The following GPC6 variants were observed in gnomAD, a reference collection of about 807,000 sequenced individuals.
The protein encoded by GPC6 is glypican 6.
Under a neutral mutation model 55.2 loss-of-function variants are expected in GPC6, and 14 were observed. The ratio of observed to expected loss-of-function variants is 0.25; its 90% confidence interval spans 0.17 to 0.40. The LOEUF (loss-of-function observed/expected upper bound fraction) is 0.40, where lower values mean the gene tolerates loss of function less well. Ranked by LOEUF, GPC6 falls within the 10% of genes least tolerant of loss-of-function variation. The pLI is 1.00. For missense variants in GPC6, 641 were observed against 708.5 expected (o/e 0.90, Z 1.08); for synonymous variants, 278 against 259.6 (o/e 1.07, Z -0.68).
intron 1 of GPC6, among the ~76,000 whole-genome samples, chr13:93,334,774 T>A (rs756137128): frequency 1.3e-5 from 2 of 152,212 alleles, no homozygotes; most frequent in African/African-American, 2.4e-5. Flanking sequence ...GCCTATTGAT[T>A]CTTCTTCACT....
intron 6 of GPC6, among the ~76,000 whole-genome samples, chr13:94,356,959 G>A (rs1429184529): frequency 6.6e-6 from 1 of 152,078 alleles, no homozygotes; most frequent in Non-Finnish European, 1.5e-5. Flanking sequence ...GTGTCATGGA[G>A]TTGCCAGTTA....
intron 5 of GPC6, among the ~76,000 whole-genome samples, chr13:94,305,447 A>C (rs1875891225): frequency 6.6e-6 from 1 of 152,232 alleles, no homozygotes; most frequent in Non-Finnish European, 1.5e-5. Context: ...TGGTTAGGAA[A>C]GCTTGACAGT....
At chr13:94,263,710 G>A (rs1393495164) in intron 4 of GPC6, among the ~76,000 whole-genome samples, 1 of 152,192 alleles carries the variant, frequency 6.6e-6, no homozygotes, top group Non-Finnish European at 1.5e-5. Context: ...AGCCAGAAAA[G>A]AAAATCTACT....
intron 1 of GPC6, among the ~76,000 whole-genome samples, chr13:93,413,466 A>G (rs1456486508): frequency 6.6e-6 from 1 of 152,080 alleles, no homozygotes; most frequent in Non-Finnish European, 1.5e-5. Flanking sequence ...GATCTACTGG[A>G]TATATAAACT....
intron 2 of GPC6, among the ~76,000 whole-genome samples, chr13:93,788,372 A>G (rs999576808): frequency 2.7e-4 from 41 of 152,044 alleles, no homozygotes; most frequent in African/African-American, 9.9e-4. Context: ...TGGCCTAATC[A>G]CCTCTTAAAT....
intron 5 of GPC6, among the ~76,000 whole-genome samples, chr13:94,288,293 C>T (rs1180042295): frequency 6.6e-6 from 1 of 152,026 alleles, no homozygotes; most frequent in African/African-American, 2.4e-5. Flanking sequence ...CAAGGAACCT[C>T]AGTTTCTCTA....
At chr13:94,292,171 A>G (rs148299465) in intron 5 of GPC6, among the ~76,000 whole-genome samples, 10 of 152,326 alleles carry the variant, frequency 6.6e-5, no homozygotes, top group African/African-American at 2.4e-4. Context: ...TTTCCAAGAT[A>G]GAGAAGTTAG....
intron 6 of GPC6, among the ~76,000 whole-genome samples, chr13:94,345,660 C>T (rs1224963419): frequency 1.3e-5 from 2 of 152,152 alleles, no homozygotes; most frequent in Non-Finnish European, 2.9e-5. Context: ...TCAAGAGGTA[C>T]AGTGTAGGAA....
chr13:93,353,999 C>T (rs2139167681), intron 1 of GPC6, among the ~76,000 whole-genome samples: 1 of 152,158 alleles, frequency 6.6e-6, no homozygotes, highest in South Asian at 2.1e-4. Flanking sequence ...TGATGTTTTC[C>T]AAGGAACTGA....
chr13:93,678,628 C>A (rs959337986), intron 2 of GPC6, among the ~76,000 whole-genome samples: 2 of 152,152 alleles, frequency 1.3e-5, no homozygotes, highest in African/African-American at 2.4e-5. Flanking sequence ...GCTCTTTTCT[C>A]TTACAGACCT....
chr13:94,109,660 A>G (rs1886172025), intron 4 of GPC6, among the ~76,000 whole-genome samples: 1 of 152,158 alleles, frequency 6.6e-6, no homozygotes. Flanking sequence ...GAATGTAGTC[A>G]GTATGGTACC....
At chr13:94,346,241 T>G (rs1878282934) in intron 6 of GPC6, among the ~76,000 whole-genome samples, 3 of 152,240 alleles carry the variant, frequency 2.0e-5, no homozygotes, top group Admixed American at 6.5e-5. Flanking sequence ...GGTAATGTTT[T>G]AGGAAACATA....
At position 93,545,293 on chromosome 13, in the gene GPC6, A is replaced by G. The variant is rs1252126964; in HGVS notation, c.191A>G (p.Tyr64Cys). The part of the protein sequence containing the change: ...GEHLRICPQE[Y>C]TCCTTEMEDK... ...CACTTAAGAATCTGTCCTCAGGAAT[A>G]TACATGCTGCACCACAGAAATGGAA... Residue 64 changes from tyrosine (Y) to cysteine (C), a missense_variant, in exon 2 of 9, where the codon TAT becomes TGT. Transcript: ENST00000377047. 1 of 1,613,538 alleles carries G rather than the reference A, an allele frequency of 6.2e-7. No individual in the cohort carries two copies. Among genetic ancestry groups the G allele is most frequent in the African/African-American group, 1.3e-5 (1 of 74,912 alleles).
chr13:93,280,003 A>G (rs921806467), intron 1 of GPC6, among the ~76,000 whole-genome samples: 1 of 152,216 alleles, frequency 6.6e-6, no homozygotes, highest in Non-Finnish European at 1.5e-5. Flanking sequence ...GAAAGAATTG[A>G]GAGGTATAAG....
Position 94,403,321 on chromosome 13 carries a change from C to A in GPC6, c.*104C>A. Reference sequence around the variant, plus strand: ...AATGGACCATGCCACAAAAACTTACCGTTTTCTATGAGAAGAGAGCAGTAA... The same window carrying A: ...AATGGACCATGCCACAAAAACTTACAGTTTTCTATGAGAAGAGAGCAGTAA... On this transcript the variant is annotated 3_prime_UTR_variant, in exon 9 of 9. Coordinates refer to ENST00000377047, the MANE Select transcript of GPC6 (RefSeq NM_005708.5). 1 of 846,564 alleles carries A rather than the reference C, an allele frequency of 1.2e-6. No homozygotes were observed. Among genetic ancestry groups the A allele is most frequent in the Non-Finnish European group, 1.9e-6 (1 of 514,598 alleles). The allele number at this position is 846,564 out of a possible 1,614,324, so 52.4% of individuals were successfully genotyped here.
rs530773233 is a variant in GPC6 at position 93,309,545 on chromosome 13, T to G, written c.160+81929T>G. On this transcript the variant is annotated intron_variant, in intron 1 of 8. Transcript: ENST00000377047. Reference sequence around the variant, plus strand: ...TTTAGTTTAATAGCATGACATGTTTTAAACATATTTTAAACTATAATTGGT... The same window carrying G: ...TTTAGTTTAATAGCATGACATGTTTGAAACATATTTTAAACTATAATTGGT... Among the ~76,000 whole-genome samples, 4 of 152,316 alleles carry G rather than the reference T, an allele frequency of 2.6e-5. No homozygotes were observed. The South Asian group carries it at 8.3e-4, about 32-fold the overall frequency.
chr13:93,547,174 C>CAAAAA (rs55697128), intron 2 of GPC6, among the ~76,000 whole-genome samples: 2 of 129,080 alleles, frequency 1.5e-5, no homozygotes, highest in African/African-American at 2.8e-5. Context: ...ACTAAAAATA[C>CAAAAA]AAAAAAAAAA....
At chr13:93,515,090 T>C (rs1455960675) in intron 1 of GPC6, among the ~76,000 whole-genome samples, 1 of 152,154 alleles carries the variant, frequency 6.6e-6, no homozygotes, top group Non-Finnish European at 1.5e-5. Context: ...GCTTGTCTCC[T>C]TTCTCTCTTG....
At chr13:93,833,482 A>G (rs1302570608) in intron 3 of GPC6, among the ~76,000 whole-genome samples, 1 of 152,206 alleles carries the variant, frequency 6.6e-6, no homozygotes, top group Admixed American at 6.5e-5. Flanking sequence ...AGTTGGAGAA[A>G]TGATGACAGA....
Sources: gnomAD v4.1 joint callset for allele counts (sites outside exome capture counted in the v4.1 genomes callset) on GRCh38, gnomAD v4.1.1 for gene constraint, MANE v1.5 for transcripts, NCBI Gene and HGNC (gene_info 2026-07-23, HGNC 2026-07-21) for gene names.